Variants in STK26 observed in about 807,000 individuals in gnomAD.
The protein encoded by STK26 is serine/threonine-protein kinase 26.
STK26 carries 14 observed loss-of-function variants against 34.7 expected under a neutral mutation model. The ratio of observed to expected loss-of-function variants is 0.40; its 90% CI spans 0.27 to 0.63. The LOEUF is 0.63. STK26 is among the 30% of genes least tolerant of loss of function. The pLI, the probability that STK26 is intolerant of heterozygous loss-of-function variation, is 0.38. For synonymous variants in STK26, 100 were observed against 109.8 expected (o/e 0.91, Z 0.56); for missense variants, 226 against 309.1 (o/e 0.73, Z 2.02).
chrX:132,062,582 A>G (rs1927090465), intron 3 of STK26, among the ~76,000 whole-genome samples: 1 of 111,854 alleles, frequency 8.9e-6, no homozygotes, highest in African/African-American at 3.3e-5. Flanking sequence ...ATGCCCATTA[A>G]CCGTAGCTGA....
intron 4 of STK26, among the ~76,000 whole-genome samples, chrX:132,066,697 TTTG>T (rs1927237162): frequency 8.9e-6 from 1 of 112,240 alleles, no homozygotes; most frequent in Non-Finnish European, 1.9e-5. Flanking sequence ...GGATCCCCTT[TTTG>T]TTGTTTTTAC....
intron 3 of STK26, among the ~76,000 whole-genome samples, chrX:132,055,176 T>C (rs73638562): frequency 0.017 from 1,852 of 111,912 alleles, 38 homozygotes; most frequent in African/African-American, 0.058. Context: ...CAGACACTAT[T>C]CTCAATGGTC....
intron 2 of STK26, among the ~76,000 whole-genome samples, chrX:132,031,838 A>G (rs754868944): frequency 2.9e-4 from 33 of 112,089 alleles, no homozygotes; most frequent in Non-Finnish European, 5.6e-4. Flanking sequence ...CAATACTCCT[A>G]TAACATAGAG....
chrX:132,044,412 T>A (rs1157760974), intron 2 of STK26, among the ~76,000 whole-genome samples: 1 of 109,943 alleles, frequency 9.1e-6, no homozygotes, highest in Non-Finnish European at 1.9e-5. Flanking sequence ...GATGCTGCGA[T>A]TTTCAGAGAT....
At chrX:132,062,904 C>T (rs1032365530) in intron 3 of STK26, among the ~76,000 whole-genome samples, 6 of 111,505 alleles carry the variant, frequency 5.4e-5, no homozygotes, top group Non-Finnish European at 7.5e-5. Context: ...AAAATATATT[C>T]GGGGTTCCCA....
intron 2 of STK26, among the ~76,000 whole-genome samples, chrX:132,031,257 T>C (rs1925827742): frequency 8.9e-6 from 1 of 112,159 alleles, no homozygotes; most frequent in Non-Finnish European, 1.9e-5. Flanking sequence ...TTTCAATATA[T>C]GGATATGATG....
At chrX:132,043,957 T>G (rs959506621) in intron 2 of STK26, among the ~76,000 whole-genome samples, 1 of 112,143 alleles carries the variant, frequency 8.9e-6, no homozygotes, top group African/African-American at 3.2e-5. Context: ...TTCGCAAAGT[T>G]TTTATTATGT....
intron 2 of STK26, among the ~76,000 whole-genome samples, chrX:132,030,945 A>AT (rs1015275789): frequency 3.7e-5 from 4 of 109,140 alleles, no homozygotes; most frequent in Non-Finnish European, 3.8e-5. Context: ...ACAGAGTAAT[A>AT]TTTTTTTTTG....
intron 3 of STK26, among the ~76,000 whole-genome samples, chrX:132,059,241 G>C (rs753359437): frequency 2.7e-5 from 3 of 111,846 alleles, no homozygotes; most frequent in Non-Finnish European, 3.8e-5. Flanking sequence ...GGAGGATTTT[G>C]TGAGTCAAGT....
At position 132,073,945 on chromosome X, in the gene STK26, C is replaced by T. The variant is rs187336455; in HGVS notation, c.1227-190C>T. Among the ~76,000 whole-genome samples, 10 of 111,530 alleles carry T rather than the reference C, an allele frequency of 9.0e-5. No homozygotes were observed. The East Asian group carries it at 1.1e-3, about 13-fold the overall frequency. ...ACCCCCCATTTGAAAACAAATCAAT[C>T]GGAAGTTGTGAAATCAGATGCAGAA... On this transcript the variant is annotated intron_variant, in intron 11 of 11. Transcript: ENST00000394334.
At chrX:132,027,400 C>G (rs191196652) in intron 2 of STK26, among the ~76,000 whole-genome samples, 67 of 112,284 alleles carry the variant, frequency 6.0e-4, no homozygotes, top group African/African-American at 2.1e-3. Flanking sequence ...GTAGGCTAAG[C>G]TATGATGTTC....
rs780438396 is a variant in STK26 at position 132,066,800 on chromosome X, CG to C, written c.331-1414del. Among the ~76,000 whole-genome samples, 40 of 111,603 alleles carry C rather than the reference CG, an allele frequency of 3.6e-4. 1 individual carries two copies. The South Asian group carries it at 0.013, about 38-fold the overall frequency. On this transcript the variant is annotated intron_variant, in intron 4 of 11. Coordinates refer to ENST00000394334, the MANE Select transcript of STK26 (RefSeq NM_016542.4). ...TCCTTCAGAATGATAGCTAGTAGGTCGTACATTAATCTTGCCCAATCACTGA... is the reference window on the plus strand; with the variant it reads ...TCCTTCAGAATGATAGCTAGTAGGTCTACATTAATCTTGCCCAATCACTGA...
rs1225016094 is a variant in STK26 at position 132,075,436 on chromosome X, TA to T, written c.*1284del. Reference sequence around the variant, plus strand: ...GTTTGGTTTTTGCACAAAAGTCATTTAAAAAAATCTGAGTAATTGTCAAATA... The same window carrying T: ...GTTTGGTTTTTGCACAAAAGTCATTTAAAAAATCTGAGTAATTGTCAAATA... On this transcript the variant is annotated 3_prime_UTR_variant, in exon 12 of 12. Coordinates refer to ENST00000394334, the MANE Select transcript of STK26 (RefSeq NM_016542.4). 8.9e-6 allele frequency: 1 copy of T among 111,752 alleles called. No homozygotes were observed. The highest frequency in any genetic ancestry group is 1.9e-5 in the Non-Finnish European group (1 of 52,992). 9.2% of individuals were successfully genotyped at this position (111,752 alleles called of 1,213,427 possible).
chrX:132,069,641 G>A lies in STK26; in HGVS notation c.761G>A (p.Cys254Tyr). Residue 254 changes from cysteine to tyrosine, a missense_variant, in exon 7 of 12, where the codon TGC (cysteine) becomes TAC (tyrosine). Cys to Tyr is a radical substitution (Grantham distance 194, BLOSUM62 -2). Coordinates refer to ENST00000394334, the MANE Select transcript of STK26 (RefSeq NM_016542.4). ...TCTTTTAAGGAGTTTATTGATGCTTGCCTGAACAAAGATCCATCATTTGTG... is the reference window on the plus strand; with the variant it reads ...TCTTTTAAGGAGTTTATTGATGCTTACCTGAACAAAGATCCATCATTTGTG... ...TKSFKEFIDACLNKDPSFRPT... is the reference protein window; with the variant it reads ...TKSFKEFIDAYLNKDPSFRPT... 2 of 1,134,972 alleles carry A rather than the reference G, an allele frequency of 1.8e-6. No homozygotes were observed. The highest frequency in any genetic ancestry group is 2.3e-6 in the Non-Finnish European group (2 of 857,862). The allele number at this position is 1,134,972 out of a possible 1,213,427, so 93.5% of individuals were successfully genotyped here.
At position 132,071,065 on chromosome X, in the gene STK26, T is replaced by A. The variant is rs763125495; in HGVS notation, c.784-4T>A. On this transcript the variant is annotated splice_polypyrimidine_tract_variant and splice_region_variant and intron_variant, in intron 7 of 11. Coordinates refer to ENST00000394334, the MANE Select transcript of STK26 (RefSeq NM_016542.4). ...ATATGCAGCCTTGATCTTTTTATCCTTAGCGTCCTACAGCAAAAGAACTTC... is the reference window on the plus strand; with the variant it reads ...ATATGCAGCCTTGATCTTTTTATCCATAGCGTCCTACAGCAAAAGAACTTC... 8.3e-7 allele frequency: 1 copy of A among 1,204,273 alleles called. No individual in the cohort carries two copies. The highest frequency in any genetic ancestry group is 1.1e-6 in the Non-Finnish European group (1 of 892,111).
intron 4 of STK26, among the ~76,000 whole-genome samples, chrX:132,066,481 G>A (rs1398228858): frequency 9.0e-6 from 1 of 111,690 alleles, no homozygotes; most frequent in African/African-American, 3.3e-5. Flanking sequence ...AATTACACAA[G>A]GCAAGTACAC....
At chrX:132,035,426 ATTG>A (rs1233307818) in intron 2 of STK26, among the ~76,000 whole-genome samples, 1 of 110,599 alleles carries the variant, frequency 9.0e-6, no homozygotes, top group Non-Finnish European at 1.9e-5. Context: ...TAATTTTATT[ATTG>A]TTATATAATT....
At chrX:132,050,012 C>T (rs1926630038) in intron 2 of STK26, among the ~76,000 whole-genome samples, 1 of 111,234 alleles carries the variant, frequency 9.0e-6, no homozygotes, top group Non-Finnish European at 1.9e-5. Context: ...CACTCTCAGT[C>T]CCAGAGTCTT....
intron 2 of STK26, among the ~76,000 whole-genome samples, chrX:132,040,379 T>C (rs1472108861): frequency 8.9e-6 from 1 of 112,546 alleles, no homozygotes; most frequent in Non-Finnish European, 1.9e-5. Context: ...TCCATTATTG[T>C]GATGCTTAAT....
Sources: gnomAD v4.1 joint callset for allele counts (sites outside exome capture counted in the v4.1 genomes callset) on GRCh38, gnomAD v4.1.1 for gene constraint, MANE v1.5 for transcripts, NCBI Gene and HGNC (gene_info 2026-07-23, HGNC 2026-07-21) for gene names.